LEF1: variants seen among roughly 807,000 people sequenced by gnomAD.
The protein encoded by LEF1 is lymphoid enhancer binding factor 1.
In LEF1, 14 loss-of-function variants were observed where a neutral mutation model predicts 51.2. That is an observed-to-expected ratio of 0.27 (90% confidence interval 0.18 to 0.43). LEF1 has a LOEUF of 0.43. Ranked by LOEUF, LEF1 falls within the 20% of genes least tolerant of loss-of-function variation. LEF1 has a pLI of 1.00. For missense variants in LEF1, 386 were observed against 512.0 expected (o/e 0.75, Z 2.37); for synonymous variants, 185 against 183.2 (o/e 1.01, Z -0.08).
intron 11 of LEF1, among the ~76,000 whole-genome samples, chr4:108,049,920 T>A (rs568903182): frequency 6.6e-6 from 1 of 152,366 alleles, no homozygotes; most frequent in South Asian, 2.1e-4. Context: ...ACACCTGCCC[T>A]TCAGGCTTTT....
At chr4:108,127,598 A>G (rs1472125309) in intron 3 of LEF1, among the ~76,000 whole-genome samples, 1 of 152,230 alleles carries the variant, frequency 6.6e-6, no homozygotes, top group Non-Finnish European at 1.5e-5. Context: ...GACTACTGCT[A>G]GTATTCTGAA....
At chr4:108,146,010 T>C (rs1412840063) in intron 3 of LEF1, among the ~76,000 whole-genome samples, 1 of 152,234 alleles carries the variant, frequency 6.6e-6, no homozygotes, top group African/African-American at 2.4e-5. Flanking sequence ...GTGAATTATA[T>C]CTCAATAAAA....
chr4:108,069,893 G>C (rs1219684613), intron 9 of LEF1, among the ~76,000 whole-genome samples: 1 of 151,684 alleles, frequency 6.6e-6, no homozygotes, highest in Non-Finnish European at 1.5e-5. Flanking sequence ...AGGAGGCAGA[G>C]GTTGCAGTGA....
intron 9 of LEF1, among the ~76,000 whole-genome samples, chr4:108,070,108 A>C (rs1257032689): frequency 6.6e-6 from 1 of 152,200 alleles, no homozygotes; most frequent in East Asian, 1.9e-4. Flanking sequence ...TTTGTAAGAA[A>C]AACAATAGGA....
intron 4 of LEF1, among the ~76,000 whole-genome samples, chr4:108,087,799 C>A (rs1427436421): frequency 5.3e-5 from 8 of 152,140 alleles, no homozygotes; most frequent in African/African-American, 1.7e-4. Flanking sequence ...CCTCCTGTCT[C>A]CCCTTGGGTA....
chr4:108,099,437 A>G (rs1472266354), intron 3 of LEF1, among the ~76,000 whole-genome samples: 2 of 151,144 alleles, frequency 1.3e-5, no homozygotes, highest in African/African-American at 4.9e-5. Flanking sequence ...TAAGTGGCAG[A>G]GCTGGTAATT....
At chr4:108,120,556 CT>C (rs1742110005) in intron 3 of LEF1, among the ~76,000 whole-genome samples, 3 of 152,150 alleles carry the variant, frequency 2.0e-5, no homozygotes, top group Admixed American at 2.0e-4. Context: ...TAAAGGTCAG[CT>C]GCAATGTGGA....
At chr4:108,111,597 G>T (rs1162586846) in intron 3 of LEF1, among the ~76,000 whole-genome samples, 1 of 152,178 alleles carries the variant, frequency 6.6e-6, no homozygotes, top group Non-Finnish European at 1.5e-5. Flanking sequence ...GAAAAAATGA[G>T]GTAGAGGGAG....
chr4:108,130,806 G>T (rs1348178487), intron 3 of LEF1, among the ~76,000 whole-genome samples: 1 of 151,240 alleles, frequency 6.6e-6, no homozygotes, highest in Admixed American at 6.6e-5. Context: ...CCCTTCCCAA[G>T]TTGCTTCTTA....
rs762028079 is a variant in LEF1, at chr4:108,089,162, G to A, written c.510C>T (p.His170=). 2.5e-6 allele frequency: 4 copies of A among 1,614,112 alleles called. No individual in the cohort carries two copies. The highest frequency in any genetic ancestry group is 2.2e-5 in the South Asian group (2 of 91,078). ...YSDEHFSPGS[H]PSHIPSDVNS... ...TGACATCTGATGGGATGTGTGACGG[G>A]TGTGATCCTGGAGAAAAGTGCTCGT... Residue 170 remains histidine, a synonymous_variant, in exon 4 of 12, where the codon CAC becomes CAT. Coordinates refer to ENST00000265165, the MANE Select transcript of LEF1 (RefSeq NM_016269.5).
intron 6 of LEF1, 111 bp downstream of exon 6, chr4:108,081,475 G>T: frequency 1.3e-6 from 1 of 772,706 alleles, no homozygotes; most frequent in Non-Finnish European, 2.2e-6. Context: ...ACAGACACAT[G>T]GCTGAGGTAT....
intron 3 of LEF1, among the ~76,000 whole-genome samples, chr4:108,090,660 A>G (rs542681100): frequency 6.6e-6 from 1 of 152,312 alleles, no homozygotes; most frequent in South Asian, 2.1e-4. Flanking sequence ...TCAAGTTAGG[A>G]TAACTGGGAT....
At chr4:108,058,526 C>G (rs1027200746) in intron 11 of LEF1, among the ~76,000 whole-genome samples, 4 of 152,138 alleles carry the variant, frequency 2.6e-5, no homozygotes, top group African/African-American at 9.7e-5. Context: ...ATCCCAAACA[C>G]CAGAAACTCA....
Position 108,163,655 on chromosome 4 carries a change from C to T in LEF1, c.327G>A (p.Ser109=), listed in dbSNP as rs61751709. 1,906 of 1,613,780 alleles carry T rather than the reference C, an allele frequency of 1.2e-3. 14 individuals carry two copies. The African/African-American group carries it at 0.017, about 15-fold the overall frequency. The part of the protein sequence containing the change: ...GGLYNKGPSY[S]SYSGYIMMPN... ...GCATCATTATGTACCCGGAATAACT[C>T]GAGTAGGAGGGTCCCTTGTTGTAGA... Residue 109 remains serine (S), a synonymous_variant, in exon 3 of 12, where the codon TCG becomes TCA. Coordinates refer to ENST00000265165, the MANE Select transcript of LEF1 (RefSeq NM_016269.5).
At position 108,168,920 on chromosome 4, in the gene LEF1, C is replaced by G. The variant is rs1444037391; in HGVS notation, c.-1153G>C. On this transcript the variant is annotated 5_prime_UTR_variant, in exon 1 of 12. Coordinates refer to ENST00000265165, the MANE Select transcript of LEF1 (RefSeq NM_016269.5). This position sits in a 1 kb window ranked among gnomAD's most constrained non-coding sequence, Gnocchi z 4.6. ...CCCCGCAGGTGAGCGGCTGCGCCTC[C>G]CCACTGCTTCTCCTCCTCCCGCGCC... The G allele has an allele frequency of 1.3e-5, 2 of 152,350 alleles. No homozygotes were observed. The highest frequency in any genetic ancestry group is 2.4e-5 in the African/African-American group (1 of 41,454). 9.4% of individuals were successfully genotyped at this position (152,350 alleles called of 1,614,324 possible). A position where few individuals can be genotyped will look rare whatever the true frequency, so the allele number is the denominator to read the frequency against.
At chr4:108,164,976 A>G in intron 2 of LEF1, 121 bp downstream of exon 2, 1 of 732,838 alleles carries the variant, frequency 1.4e-6, no homozygotes, top group Non-Finnish European at 2.4e-6. Context: ...TACCATTAAA[A>G]TAGTGGGCAT....
intron 3 of LEF1, among the ~76,000 whole-genome samples, chr4:108,107,990 C>A (rs1741279947): frequency 6.6e-6 from 1 of 152,176 alleles, no homozygotes; most frequent in South Asian, 2.1e-4. Flanking sequence ...ATCCACAGTG[C>A]TAAAGCGGGC....
intron 4 of LEF1, among the ~76,000 whole-genome samples, chr4:108,087,435 A>G (rs1322786942): frequency 6.6e-6 from 1 of 152,154 alleles, no homozygotes; most frequent in Admixed American, 6.5e-5. Context: ...TTTTTTAAAA[A>G]AAGTTTGAGA....
At chr4:108,072,537 G>A (rs1475677973) in intron 8 of LEF1, among the ~76,000 whole-genome samples, 1 of 152,194 alleles carries the variant, frequency 6.6e-6, no homozygotes, top group South Asian at 2.1e-4. Context: ...AATTGCTTTA[G>A]AAGTGCAGAG....
Sources: gnomAD v4.1 joint callset for allele counts (sites outside exome capture counted in the v4.1 genomes callset) on GRCh38, gnomAD v4.1.1 for gene constraint, Gnocchi (gnomAD v3.1) non-coding constraint, MANE v1.5 for transcripts, NCBI Gene and HGNC (gene_info 2026-07-23, HGNC 2026-07-21) for gene names.